Variants in LGR5 observed in about 807,000 individuals in gnomAD.
The protein encoded by LGR5 is leucine rich repeat containing G protein-coupled receptor 5, also known as leucine-rich repeat-containing G protein-coupled receptor 5.
Under a neutral mutation model 76.7 loss-of-function variants are expected in LGR5, and 54 were observed. The observed-to-expected ratio is 0.70, with a 90% CI of 0.57 to 0.88. The LOEUF (loss-of-function observed/expected upper bound fraction) is 0.88, where lower values mean the gene tolerates loss of function less well. Ranked by LOEUF, LGR5 falls within the 40% of genes least tolerant of loss-of-function variation. The pLI is 0.00. For missense variants in LGR5, 1,078 were observed against 1,073.3 expected, an observed-to-expected ratio of 1.00 and a Z score of -0.06; for synonymous variants, 406 against 421.9, an observed-to-expected ratio of 0.96 and a Z score of 0.46.
chr12:71,506,665 G>A (rs1322696482), intron 2 of LGR5, among the ~76,000 whole-genome samples: 1 of 152,062 alleles, frequency 6.6e-6, no homozygotes, highest in Non-Finnish European at 1.5e-5. Flanking sequence ...TCATTCCATT[G>A]CCTCATTCTG....
At chr12:71,542,834 A>G (rs2042547332) in intron 4 of LGR5, among the ~76,000 whole-genome samples, 1 of 152,008 alleles carries the variant, frequency 6.6e-6, no homozygotes, top group African/African-American at 2.4e-5. Flanking sequence ...CTAAGTAGAG[A>G]TGTCACATAG....
chr12:71,488,531 A>C (rs1279909355), intron 1 of LGR5, among the ~76,000 whole-genome samples: 1 of 152,198 alleles, frequency 6.6e-6, no homozygotes, highest in Non-Finnish European at 1.5e-5. Context: ...GGAAGGTTTG[A>C]TCATCAGCAG....
chr12:71,484,795 T>C (rs1042615354), intron 1 of LGR5, among the ~76,000 whole-genome samples: 2 of 152,224 alleles, frequency 1.3e-5, no homozygotes, highest in African/African-American at 2.4e-5. Context: ...GTTGACATAA[T>C]ATAAATAGGG....
intron 1 of LGR5, among the ~76,000 whole-genome samples, chr12:71,494,746 C>T (rs900193679): frequency 6.6e-6 from 1 of 151,130 alleles, no homozygotes; most frequent in African/African-American, 2.5e-5. Context: ...CTTCCAACTA[C>T]AAACTCAGTC....
At chr12:71,453,377 C>G (rs557473518) in intron 1 of LGR5, among the ~76,000 whole-genome samples, 1 of 152,022 alleles carries the variant, frequency 6.6e-6, no homozygotes, top group African/African-American at 2.4e-5. Flanking sequence ...AGGCTGATGG[C>G]ACAATGTTAG....
At chr12:71,553,343 C>T in intron 5 of LGR5, 55 bp downstream of exon 5, 2 of 1,476,424 alleles carry the variant, frequency 1.4e-6, no homozygotes, top group Non-Finnish European at 1.9e-6. Flanking sequence ...ACTGGAAGAC[C>T]TTGGCCTTAA....
intron 1 of LGR5, among the ~76,000 whole-genome samples, chr12:71,475,205 AT>A (rs563024533): frequency 1.3e-3 from 204 of 152,324 alleles, no homozygotes; most frequent in African/African-American, 4.1e-3. Context: ...CAAAATTAAT[AT>A]GGAATAATGA....
At chr12:71,566,606 T>C (rs1199044108) in intron 9 of LGR5, 26 bp from the exon 10 acceptor site, 3 of 1,583,706 alleles carry the variant, frequency 1.9e-6, no homozygotes, top group Non-Finnish European at 2.6e-6. Context: ...CTTCTACCAG[T>C]AATACTTATA....
At chr12:71,560,113 C>A (rs1244968210) in intron 7 of LGR5, among the ~76,000 whole-genome samples, 2 of 152,168 alleles carry the variant, frequency 1.3e-5, no homozygotes, top group African/African-American at 4.8e-5. Flanking sequence ...TGCAGCTGAC[C>A]CTTGAACAAC....
chr12:71,567,037 G>A, intron 11 of LGR5, 125 bp downstream of exon 11: 1 of 757,758 alleles, frequency 1.3e-6, no homozygotes, highest in Non-Finnish European at 2.3e-6. Flanking sequence ...GTCTGCAGGA[G>A]GTCAAGCCTC....
At chr12:71,496,231 C>A (rs1317294864) in intron 1 of LGR5, among the ~76,000 whole-genome samples, 1 of 152,000 alleles carries the variant, frequency 6.6e-6, no homozygotes, top group Non-Finnish European at 1.5e-5. Context: ...ATTAGCTGGA[C>A]GTGGTGGCAC....
chr12:71,583,289 A>C (rs1279304937), intron 17 of LGR5, among the ~76,000 whole-genome samples: 1 of 152,306 alleles, frequency 6.6e-6, no homozygotes, highest in East Asian at 1.9e-4. Flanking sequence ...GCCTATGGAA[A>C]CTTATGGAAA....
At chr12:71,488,508 C>T (rs746078853) in intron 1 of LGR5, among the ~76,000 whole-genome samples, 3 of 152,118 alleles carry the variant, frequency 2.0e-5, no homozygotes, top group East Asian at 3.9e-4. Flanking sequence ...CCAGTTTCCA[C>T]GTTCTAGGCC....
intron 1 of LGR5, among the ~76,000 whole-genome samples, chr12:71,453,614 G>A (rs1308477474): frequency 3.3e-5 from 5 of 151,902 alleles, no homozygotes; most frequent in Non-Finnish European, 5.9e-5. Flanking sequence ...TGGATTTCAG[G>A]GGACTGAGAG....
intron 2 of LGR5, among the ~76,000 whole-genome samples, chr12:71,514,335 G>A (rs1296255300): frequency 1.3e-5 from 2 of 151,944 alleles, no homozygotes. Flanking sequence ...TTGGGAGGCC[G>A]AGGCAGGTGG....
chr12:71,559,237 G>A lies in LGR5; in HGVS notation c.717-349G>A, dbSNP rs188711016. On this transcript the variant is annotated intron_variant, in intron 6 of 17. Coordinates refer to ENST00000266674, the MANE Select transcript of LGR5 (RefSeq NM_003667.4). The stretch of plus-strand genomic sequence containing the variant: ...TTCACGCTGGCCAATTAGTGAGCCC[G>A]GTTCAGTTGAAGAGCTCCATCCGCC... Among the ~76,000 whole-genome samples, 14 of 152,248 alleles carry A rather than the reference G, an allele frequency of 9.2e-5. No individual in the cohort carries two copies. The South Asian group carries it at 1.0e-3, about 11-fold the overall frequency.
At chr12:71,558,955 C>T (rs772171005) in intron 6 of LGR5, among the ~76,000 whole-genome samples, 1 of 152,168 alleles carries the variant, frequency 6.6e-6, no homozygotes, top group African/African-American at 2.4e-5. Context: ...CTTTGCTGCA[C>T]AGATCAAGGA....
intron 5 of LGR5, among the ~76,000 whole-genome samples, chr12:71,554,118 C>A (rs1408031485): frequency 6.6e-6 from 1 of 152,186 alleles, no homozygotes; most frequent in African/African-American, 2.4e-5. Flanking sequence ...CACATACAGC[C>A]AGCTCAATGG....
chr12:71,565,215 CAA>C (rs1373207834), intron 8 of LGR5, among the ~76,000 whole-genome samples: 1 of 151,852 alleles, frequency 6.6e-6, no homozygotes, highest in Non-Finnish European at 1.5e-5. Flanking sequence ...GGTTCTATTT[CAA>C]ATGTTACACA....
Sources: allele counts gnomAD v4.1 joint callset (sites outside exome capture counted in the v4.1 genomes callset), GRCh38; gene constraint gnomAD v4.1.1; transcripts MANE v1.5; gene names NCBI Gene and HGNC (gene_info 2026-07-23, HGNC 2026-07-21).